The following KAZN variants were observed in gnomAD, a reference collection of about 807,000 sequenced individuals.
The protein encoded by KAZN is kazrin, periplakin interacting protein, also known as kazrin.
A neutral mutation model predicts 87.4 loss-of-function variants in KAZN; 40 were observed. The observed-to-expected ratio is 0.46, with a 90% CI of 0.36 to 0.60. The LOEUF (loss-of-function observed/expected upper bound fraction) is 0.60. KAZN is among the 20% of genes least tolerant of loss of function. The pLI, the probability that KAZN is intolerant of heterozygous loss-of-function variation, is 0.00. For missense variants in KAZN, 898 were observed against 1,073.9 expected, an observed-to-expected ratio of 0.84 and a Z score of 2.29; for synonymous variants, 466 against 458.3, an observed-to-expected ratio of 1.02 and a Z score of -0.22.
chr1:14,686,514 C>T (rs1640960345), intron 1 of KAZN, among the ~76,000 whole-genome samples: 1 of 152,222 alleles, frequency 6.6e-6, no homozygotes, highest in Admixed American at 6.5e-5. Flanking sequence ...TGTCTTTATT[C>T]TACTTTTCTT....
intron 1 of KAZN, among the ~76,000 whole-genome samples, chr1:13,956,865 G>A (rs899705433): frequency 2.0e-5 from 3 of 152,318 alleles, no homozygotes; most frequent in African/African-American, 7.2e-5. Context: ...AAGGAAGGGA[G>A]GAATGTTTCC....
rs115800611 is a variant in KAZN, at chr1:14,392,577, G to A, written c.250-206406G>A. On this transcript the variant is annotated intron_variant, in intron 2 of 16. Coordinates refer to the KAZN transcript ENST00000636203. Reference sequence around the variant, plus strand: ...CATCTGGCCATGATTTCTGAGCCATGGCTCCATTATTTGGGGCCACATCAT... The same window carrying A: ...CATCTGGCCATGATTTCTGAGCCATAGCTCCATTATTTGGGGCCACATCAT... Among the ~76,000 whole-genome samples, 662 of 152,244 alleles carry A rather than the reference G, an allele frequency of 4.3e-3. 3 individuals carry two copies. The highest frequency in any genetic ancestry group is 0.015 in the African/African-American group (610 of 41,546).
intron 1 of KAZN, among the ~76,000 whole-genome samples, chr1:14,740,494 G>T (rs1003431887): frequency 2.6e-5 from 4 of 152,058 alleles, no homozygotes; most frequent in African/African-American, 9.7e-5. Flanking sequence ...GCCAACTGCT[G>T]CCTTGCTAAA....
intron 1 of KAZN, among the ~76,000 whole-genome samples, chr1:14,862,435 T>C (rs1477108192): frequency 1.3e-5 from 2 of 152,084 alleles, no homozygotes; most frequent in Admixed American, 6.5e-5. Context: ...CTCCAATCAA[T>C]TGAGCTCCTG....
At chr1:14,620,530 T>G (rs1678610991) in intron 1 of KAZN, among the ~76,000 whole-genome samples, 1 of 152,192 alleles carries the variant, frequency 6.6e-6, no homozygotes, top group Non-Finnish European at 1.5e-5. Flanking sequence ...GGAGCCCTGT[T>G]GGATAGATTT....
intron 1 of KAZN, among the ~76,000 whole-genome samples, chr1:14,781,464 G>A (rs75161839): frequency 0.017 from 2,637 of 152,306 alleles, 40 homozygotes; most frequent in African/African-American, 0.045. Flanking sequence ...AGCTTCAGAA[G>A]GGGATATTTA....
At chr1:14,482,898 A>G (rs1557750611) in intron 2 of KAZN, among the ~76,000 whole-genome samples, 1 of 152,280 alleles carries the variant, frequency 6.6e-6, no homozygotes, top group East Asian at 1.9e-4. Flanking sequence ...TACATTACTT[A>G]CTAGCTGGGC....
intron 1 of KAZN, among the ~76,000 whole-genome samples, chr1:14,140,895 C>T (rs1225233694): frequency 2.0e-5 from 3 of 152,214 alleles, no homozygotes; most frequent in Admixed American, 6.5e-5. Flanking sequence ...CCTTGGCAGG[C>T]GGCAGAGGAG....
intron 2 of KAZN, among the ~76,000 whole-genome samples, chr1:14,986,125 G>A (rs1489963004): frequency 1.3e-5 from 2 of 152,012 alleles, no homozygotes; most frequent in Non-Finnish European, 2.9e-5. Flanking sequence ...ATCTCATTTG[G>A]GATCCTGGAT....
chr1:14,521,083 C>A (rs959571010), intron 2 of KAZN, among the ~76,000 whole-genome samples: 2 of 152,158 alleles, frequency 1.3e-5, no homozygotes, highest in African/African-American at 4.8e-5. Context: ...TCCAGATGAG[C>A]TTATGAGTAA....
intron 1 of KAZN, among the ~76,000 whole-genome samples, chr1:14,736,870 A>C (rs1189267847): frequency 1.3e-5 from 2 of 152,168 alleles, no homozygotes; most frequent in Non-Finnish European, 2.9e-5. Flanking sequence ...TCATTCAACA[A>C]GTCTCTCTTG....
chr1:14,587,737 G>A (rs902556490), intron 2 of KAZN, among the ~76,000 whole-genome samples: 7 of 152,032 alleles, frequency 4.6e-5, no homozygotes, highest in Non-Finnish European at 1.0e-4. Flanking sequence ...GACATCGGCC[G>A]CCATGATCCA....
chr1:14,334,620 G>A (rs1309350075), intron 2 of KAZN, among the ~76,000 whole-genome samples: 3 of 152,200 alleles, frequency 2.0e-5, no homozygotes, highest in Admixed American at 6.5e-5. Flanking sequence ...GAAAAGGGAA[G>A]TCAGGCAGGA....
chr1:14,370,158 C>G (rs1031701059), intron 2 of KAZN, among the ~76,000 whole-genome samples: 1 of 152,146 alleles, frequency 6.6e-6, no homozygotes, highest in Admixed American at 6.5e-5. Flanking sequence ...CTTTCCACCC[C>G]CAGGAACTAG....
chr1:14,225,112 C>T lies in KAZN; in HGVS notation c.249+44520C>T, dbSNP rs1002615711. Reference sequence around the variant, plus strand: ...AGAGAAAGAAGAAAAGTCAAACTATCTCTGTTTGCAGACAATATAATTTTA... The same window carrying T: ...AGAGAAAGAAGAAAAGTCAAACTATTTCTGTTTGCAGACAATATAATTTTA... On this transcript the variant is annotated intron_variant, in intron 2 of 16. Transcript: ENST00000636203. 7.9e-5 allele frequency among the ~76,000 whole-genome samples: 12 copies of T among 152,232 alleles called. No homozygotes were observed. The East Asian group carries it at 1.2e-3, about 15-fold the overall frequency.
chr1:14,623,173 A>G (rs1030953969), intron 1 of KAZN, among the ~76,000 whole-genome samples: 3 of 152,230 alleles, frequency 2.0e-5, no homozygotes, highest in South Asian at 4.1e-4. Context: ...ACATGCATGC[A>G]TATGATCATT....
At chr1:14,139,951 GT>G (rs1218888991) in intron 1 of KAZN, among the ~76,000 whole-genome samples, 49 of 50,686 alleles carry the variant, frequency 9.7e-4, no homozygotes, top group African/African-American at 4.0e-3. Flanking sequence ...GTGTGTGTGT[GT>G]GTGTGTGTGT....
At chr1:14,874,519 T>TGGATGGATGGATGGAC (rs778467642) in intron 1 of KAZN, among the ~76,000 whole-genome samples, 3 of 144,602 alleles carry the variant, frequency 2.1e-5, no homozygotes, top group Non-Finnish European at 4.6e-5. Context: ...GATGGATGGA[T>TGGATGGATGGATGGAC]GGACAGATGG....
chr1:14,676,654 G>A (rs1465051032), intron 1 of KAZN, among the ~76,000 whole-genome samples: 1 of 152,162 alleles, frequency 6.6e-6, no homozygotes, highest in Admixed American at 6.5e-5. Flanking sequence ...CCACAGCATG[G>A]ATGAACCTTG....
Sources: allele counts gnomAD v4.1 joint callset (sites outside exome capture counted in the v4.1 genomes callset), GRCh38; gene constraint gnomAD v4.1.1; transcripts MANE v1.5; gene names NCBI Gene and HGNC (gene_info 2026-07-23, HGNC 2026-07-21).